Variants in RNF38 observed in about 807,000 individuals in gnomAD.
The protein encoded by RNF38 is ring finger protein 38, also known as E3 ubiquitin-protein ligase RNF38.
Under a neutral mutation model 67.2 loss-of-function variants are expected in RNF38, and 15 were observed. The observed-to-expected ratio is 0.22, with a 90% CI of 0.15 to 0.34. RNF38 has a LOEUF of 0.34. Among genes scored for constraint, RNF38 ranks in the 10% least tolerant of loss-of-function variants. The pLI is 1.00. For missense variants in RNF38, 524 were observed against 639.9 expected, an observed-to-expected ratio of 0.82 and a Z score of 1.95; for synonymous variants, 220 against 218.8, an observed-to-expected ratio of 1.01 and a Z score of -0.05.
chr9:36,392,508 G>A (rs1253204338), intron 1 of RNF38, among the ~76,000 whole-genome samples: 1 of 152,186 alleles, frequency 6.6e-6, no homozygotes, highest in African/African-American at 2.4e-5. Flanking sequence ...AGGCCCTGGT[G>A]AGAGAAGAGC....
At chr9:36,415,530 C>T (rs1838441555) in intron 2 of RNF38, among the ~76,000 whole-genome samples, 2 of 152,092 alleles carry the variant, frequency 1.3e-5, no homozygotes, top group South Asian at 4.1e-4. Flanking sequence ...ACATGGTGCT[C>T]TCCCCCTTCC....
At chr9:36,486,303 C>T (rs955899680) in intron 1 of RNF38, among the ~76,000 whole-genome samples, 3 of 152,264 alleles carry the variant, frequency 2.0e-5, no homozygotes, top group South Asian at 2.1e-4. Context: ...AAACGGAAAT[C>T]CCATGTATTA....
intron 4 of RNF38, among the ~76,000 whole-genome samples, chr9:36,369,393 G>A (rs531952793): frequency 6.6e-6 from 1 of 152,092 alleles, no homozygotes; most frequent in African/African-American, 2.4e-5. Flanking sequence ...GCTAATTTTC[G>A]TACTTTTAGT....
chr9:36,361,076 CA>C (rs1348723975), intron 4 of RNF38, among the ~76,000 whole-genome samples: 1 of 152,128 alleles, frequency 6.6e-6, no homozygotes, highest in Non-Finnish European at 1.5e-5. Flanking sequence ...TTCAGCCTCC[CA>C]AAGTGCAGGG....
upstream of RNF38, chr9:36,400,626 T>C (rs953558413): frequency 1.9e-5 from 19 of 985,608 alleles, no homozygotes; most frequent in Non-Finnish European, 2.0e-5. Context: ...CTATTGTGAC[T>C]GCTCGCCCAG....
chr9:36,417,823 T>G (rs1587101231), intron 2 of RNF38, among the ~76,000 whole-genome samples: 1 of 152,232 alleles, frequency 6.6e-6, no homozygotes, highest in East Asian at 1.9e-4. Context: ...TTCCACCACT[T>G]TTTAAATGAA....
chr9:36,401,197 AG>A (rs1838010983), upstream of RNF38: 2 of 869,174 alleles, frequency 2.3e-6, no homozygotes, highest in Non-Finnish European at 2.7e-6. Flanking sequence ...CCGAGGGGGA[AG>A]GGGGCGGGGC....
In RNF38 at chr9:36,445,119, A is replaced by T. The variant is rs370457200; in HGVS notation, n.242-20436T>A. Reference sequence around the variant, plus strand: ...ACACTTCACCGTCTTTTGCGATGGGACAGTCTGTTGTGACATGATGCTTCC... The same window carrying T: ...ACACTTCACCGTCTTTTGCGATGGGTCAGTCTGTTGTGACATGATGCTTCC... On this transcript the variant is annotated intron_variant and non_coding_transcript_variant, in intron 1 of 3. Coordinates refer to the RNF38 transcript ENST00000488058. Among the ~76,000 whole-genome samples, 4 of 152,314 alleles carry T rather than the reference A, an allele frequency of 2.6e-5. 1 individual carries two copies. The highest frequency in any genetic ancestry group is 4.1e-4 in the South Asian group (2 of 4,826).
chr9:36,349,471 G>T (rs896981082), intron 9 of RNF38, among the ~76,000 whole-genome samples: 2 of 151,870 alleles, frequency 1.3e-5, no homozygotes, highest in African/African-American at 4.8e-5. Context: ...TTTTAAATTG[G>T]GTTATTCATT....
intron 1 of RNF38, among the ~76,000 whole-genome samples, chr9:36,471,172 C>T (rs1839989713): frequency 6.6e-6 from 1 of 152,176 alleles, no homozygotes; most frequent in Non-Finnish European, 1.5e-5. Context: ...CCTCAGTTTC[C>T]CAGACCCAGG....
intron 1 of RNF38, among the ~76,000 whole-genome samples, chr9:36,458,543 G>A (rs552404309): frequency 4.0e-5 from 6 of 151,236 alleles, no homozygotes; most frequent in East Asian, 2.0e-4. Context: ...CAAACCCACC[G>A]GGAGGAACAA....
At chr9:36,386,906 G>A (rs1247940197) in intron 2 of RNF38, among the ~76,000 whole-genome samples, 3 of 152,168 alleles carry the variant, frequency 2.0e-5, no homozygotes, top group Admixed American at 6.5e-5. Context: ...GGATTCAAGC[G>A]ATTCTTGTGT....
intron 5 of RNF38, among the ~76,000 whole-genome samples, chr9:36,357,020 C>T (rs1357158596): frequency 6.6e-6 from 1 of 152,174 alleles, no homozygotes; most frequent in African/African-American, 2.4e-5. Context: ...TAAGTGTGCA[C>T]TTGCTTTAAT....
intron 4 of RNF38, among the ~76,000 whole-genome samples, chr9:36,365,881 G>A (rs573754877): frequency 4.0e-5 from 6 of 151,882 alleles, no homozygotes; most frequent in Non-Finnish European, 5.9e-5. Context: ...GGCCAGGCTG[G>A]TCTCAAACTC....
intron 1 of RNF38, among the ~76,000 whole-genome samples, chr9:36,477,704 T>G (rs1013198648): frequency 4.0e-5 from 6 of 150,790 alleles, no homozygotes; most frequent in African/African-American, 1.5e-4. Flanking sequence ...GCGCCTGTAG[T>G]CCCAGCTACA....
rs888240374 is a variant in RNF38, at chr9:36,381,613, C to T, written c.163-5486G>A. On this transcript the variant is annotated intron_variant, in intron 2 of 11. Transcript: ENST00000259605. ...ACAGACTTTCTTATAAGATTCCCTT[C>T]TGCTGAATCCAAATTTTTAGACAAA... is the stretch of plus-strand genomic sequence containing the variant. Among the ~76,000 whole-genome samples the T allele has an allele frequency of 8.5e-5, 13 of 152,334 alleles. No individual in the cohort carries two copies. In the South Asian group the frequency reaches 2.5e-3, roughly 29 times the overall value.
intron 3 of RNF38, among the ~76,000 whole-genome samples, chr9:36,370,618 T>C (rs1210658306): frequency 6.6e-6 from 1 of 152,158 alleles, no homozygotes; most frequent in East Asian, 1.9e-4. Flanking sequence ...TAGAATTTGC[T>C]TGTTGGGCCA....
Position 36,352,771 on chromosome 9 carries a change from A to C in RNF38, c.1149T>G (p.Pro383=), listed in dbSNP as rs772555437. The C allele has an allele frequency of 6.2e-7, 1 of 1,613,776 alleles. No homozygotes were observed. The highest frequency in any genetic ancestry group is 8.5e-7 in the Non-Finnish European group (1 of 1,179,682). The change falls in exon 8 of 12, where the codon CCT becomes CCG. Residue 383 remains proline, a synonymous_variant. Transcript: ENST00000259605. ...CATATGGCAGTAAGCTGGGATGATA[A>C]GGGGGAGGTGGTATTGGCTGCTGGG... ...YRSQQPIPPP[P]YHPSLLPYVL... is the part of the protein sequence containing the mutation.
intron 2 of RNF38, among the ~76,000 whole-genome samples, chr9:36,416,742 A>ATTATTTTTT (rs1838481616): frequency 1.6e-5 from 1 of 63,470 alleles, no homozygotes; most frequent in African/African-American, 6.5e-5. Context: ...CTGCCTCGAT[A>ATTATTTTTT]TTTTTTTTTT....
Sources: gnomAD v4.1 joint callset for allele counts (sites outside exome capture counted in the v4.1 genomes callset) on GRCh38, gnomAD v4.1.1 for gene constraint, MANE v1.5 for transcripts, NCBI Gene and HGNC (gene_info 2026-07-23, HGNC 2026-07-21) for gene names.